SH2D3C: variants seen among roughly 807,000 people sequenced by gnomAD.
SH2D3C encodes SH2 domain-containing protein 3C.
In SH2D3C, 25 loss-of-function variants were observed where a neutral mutation model predicts 75.2. The ratio of observed to expected loss-of-function variants is 0.33; its 90% CI spans 0.24 to 0.46. The LOEUF is 0.46. Among genes scored for constraint, SH2D3C ranks in the 20% least tolerant of loss-of-function variants. The pLI, the probability that SH2D3C is intolerant of heterozygous loss-of-function variation, is 1.00. For synonymous variants in SH2D3C, 450 were observed against 473.7 expected (o/e 0.95, Z 0.65); for missense variants, 933 against 1,165.3 (o/e 0.80, Z 2.90).
chr9:127,760,553 C>A (rs1845501676), intron 3 of SH2D3C, among the ~76,000 whole-genome samples: 1 of 151,922 alleles, frequency 6.6e-6, no homozygotes, highest in Admixed American at 6.6e-5. Context: ...TGTAACAAAC[C>A]TGCACATTCT....
chr9:127,761,523 G>T (rs761789401), intron 3 of SH2D3C, 88 bp downstream of exon 3: 5 of 930,592 alleles, frequency 5.4e-6, no homozygotes, highest in South Asian at 2.9e-5. Context: ...TCCTAACAAG[G>T]CTTGAGGAAG....
chr9:127,768,503 TC>T (rs752319399), intron 2 of SH2D3C, among the ~76,000 whole-genome samples: 6 of 151,380 alleles, frequency 4.0e-5, no homozygotes, highest in Non-Finnish European at 8.8e-5. Context: ...AGCAATCAGA[TC>T]CTCCTAAAAG....
In SH2D3C at chr9:127,775,574, C is replaced by A. The variant is rs549768823; in HGVS notation, c.38-1107G>T. Among the ~76,000 whole-genome samples, 251 of 150,802 alleles carry A rather than the reference C, an allele frequency of 1.7e-3. 2 individuals carry two copies. The highest frequency in any genetic ancestry group is 5.9e-3 in the African/African-American group (241 of 41,040). On this transcript the variant is annotated intron_variant, in intron 1 of 11. Transcript: ENST00000314830. ...TCCTGGAGGTGGAGGTTGCAGTGAG[C>A]CGAGATTGCACCATTGCACTCCAGC...
At chr9:127,744,326 C>T (rs1844958279) in intron 7 of SH2D3C, among the ~76,000 whole-genome samples, 1 of 152,118 alleles carries the variant, frequency 6.6e-6, no homozygotes, top group African/African-American at 2.4e-5. Flanking sequence ...CCGCCTCGGC[C>T]TCCCAAAGTG....
chr9:127,741,924 A>T lies in SH2D3C; in HGVS notation c.1952T>A (p.Ile651Asn). 1 of 1,612,872 alleles carries T rather than the reference A, an allele frequency of 6.2e-7. No homozygotes were observed. Among genetic ancestry groups the T allele is most frequent in the Non-Finnish European group, 8.5e-7 (1 of 1,179,908 alleles). The change falls in exon 9 of 12, where the codon ATC becomes AAC. Residue 651 changes from isoleucine to asparagine, a missense_variant. Ile to Asn is a moderately radical substitution (Grantham distance 149). Coordinates refer to ENST00000314830, the MANE Select transcript of SH2D3C (RefSeq NM_170600.3). ...CTCCGCAGAGCCGGTGCAGCCCAGG[A>T]TGTCCACGGCCAGCATGATGGACAT... ...HTMSIMLAVD[I>N]LGCTGSAEER...
intron 8 of SH2D3C, chr9:127,742,646 C>A: frequency 1.9e-6 from 1 of 523,382 alleles, no homozygotes; most frequent in South Asian, 2.5e-5. Flanking sequence ...AAGGCGAATG[C>A]GGAGATACAG....
chr9:127,746,337 G>A (rs973921998), intron 6 of SH2D3C, among the ~76,000 whole-genome samples: 7 of 152,310 alleles, frequency 4.6e-5, no homozygotes, highest in Admixed American at 3.9e-4. Flanking sequence ...GGCCTGCCAC[G>A]TGGACAATAC....
At chr9:127,740,979 C>T (rs1367356748) in intron 9 of SH2D3C, among the ~76,000 whole-genome samples, 2 of 152,214 alleles carry the variant, frequency 1.3e-5, no homozygotes, top group South Asian at 4.1e-4. Context: ...CCGCGCCTGG[C>T]TGTTGTTATT....
In SH2D3C at chr9:127,773,821, G is replaced by C. The variant is rs956157122; in HGVS notation, c.515+169C>G. ...TAGTCCCAGCTACTCGGGGGGCTGAGGTAGGAGAATTGCTTGGACCCGGGA... is the reference window on the plus strand; with the variant it reads ...TAGTCCCAGCTACTCGGGGGGCTGACGTAGGAGAATTGCTTGGACCCGGGA... On this transcript the variant is annotated intron_variant, in intron 2 of 11. Coordinates refer to ENST00000314830, the MANE Select transcript of SH2D3C (RefSeq NM_170600.3). Among the ~76,000 whole-genome samples the C allele has an allele frequency of 2.0e-5, 3 of 151,946 alleles. No individual in the cohort carries two copies. In the South Asian group the frequency reaches 6.2e-4, roughly 31 times the overall value.
intron 1 of SH2D3C, among the ~76,000 whole-genome samples, chr9:127,777,656 C>T (rs1457721594): frequency 6.6e-6 from 1 of 152,092 alleles, no homozygotes; most frequent in Non-Finnish European, 1.5e-5. Flanking sequence ...CCTGCCCGGC[C>T]GCAAGGTCAG....
rs138786524 is a variant in SH2D3C at position 127,744,960 on chromosome 9, G to A, written c.1404C>T (p.His468=). 162 of 1,560,340 alleles carry A rather than the reference G, an allele frequency of 1.0e-4. 1 individual carries two copies. In the African/African-American group the frequency reaches 1.8e-3, roughly 17 times the overall value. Reference sequence around the variant, plus strand: ...TGCCAAGGGTGTGGGAGGGGCTGGTGTGGGGGCCCTTGTCTGACTCCCCAT... The same window carrying A: ...TGCCAAGGGTGTGGGAGGGGCTGGTATGGGGGCCCTTGTCTGACTCCCCAT... The part of the protein sequence containing the change: ...KTHGESDKGP[H]TSPSHTLGKA... The change falls in exon 7 of 12, where the codon CAC becomes CAT. Residue 468 remains histidine, a synonymous_variant. Transcript: ENST00000314830.
At chr9:127,767,071 A>G (rs1224658972) in intron 2 of SH2D3C, 1 of 1,536,112 alleles carries the variant, frequency 6.5e-7, no homozygotes, top group Non-Finnish European at 8.7e-7. Context: ...CCACTCCCCA[A>G]GATGGGCCAC....
chr9:127,771,394 A>C, intron 2 of SH2D3C: 4 of 1,298,636 alleles, frequency 3.1e-6, no homozygotes, highest in South Asian at 2.1e-5. Context: ...GCCCGGCCCC[A>C]CTCCACCGCC....
In SH2D3C at chr9:127,749,543, C is replaced by T. The variant is rs202053127; in HGVS notation, c.807G>A (p.Lys269=). 8 of 1,611,746 alleles carry T rather than the reference C, an allele frequency of 5.0e-6. No individual in the cohort carries two copies. The East Asian group carries it at 1.3e-4, about 27-fold the overall frequency. The change falls in exon 5 of 12, where the codon AAG becomes AAA. Residue 269 remains lysine, a synonymous_variant. Transcript: ENST00000314830. The surrounding 1 kb of genome is among the most constrained non-coding windows in gnomAD (Gnocchi z 5.9). Reference sequence around the variant, plus strand: ...AGCTCTCGCCTGCCTTCACCACCACCTTGTTGATCTTGAAGTGCAAGGCCT... The same window carrying T: ...AGCTCTCGCCTGCCTTCACCACCACTTTGTTGATCTTGAAGTGCAAGGCCT... ...RNQALHFKIN[K]VVVKAGESYT... is the part of the protein sequence containing the mutation.
chr9:127,750,007 G>A (rs899690457), intron 4 of SH2D3C, among the ~76,000 whole-genome samples: 5 of 152,004 alleles, frequency 3.3e-5, no homozygotes, highest in African/African-American at 7.3e-5. Context: ...TCAGGGTTCC[G>A]GTTGGGCAGA....
chr9:127,763,051 GC>G, intron 2 of SH2D3C, among the ~76,000 whole-genome samples: 1 of 152,258 alleles, frequency 6.6e-6, no homozygotes, highest in East Asian at 1.9e-4. Context: ...TTCTGCCTCT[GC>G]CCCACCCTCC....
chr9:127,775,120 T>C (rs534817526), intron 1 of SH2D3C, among the ~76,000 whole-genome samples: 2 of 152,058 alleles, frequency 1.3e-5, no homozygotes, highest in East Asian at 3.9e-4. Flanking sequence ...GAAAAGATTA[T>C]AAATAACATG....
At chr9:127,766,466 G>A (rs900304208) in intron 2 of SH2D3C, among the ~76,000 whole-genome samples, 2 of 152,208 alleles carry the variant, frequency 1.3e-5, no homozygotes, top group African/African-American at 4.8e-5. Context: ...GGCCCATGTG[G>A]GGCTCCTCTT....
intron 3 of SH2D3C, among the ~76,000 whole-genome samples, chr9:127,757,190 G>T (rs550002201): frequency 6.7e-6 from 1 of 149,352 alleles, no homozygotes; most frequent in Non-Finnish European, 1.5e-5. Context: ...TGATCTGCCC[G>T]CATTACACGC....
Sources: allele counts gnomAD v4.1 joint callset (sites outside exome capture counted in the v4.1 genomes callset), GRCh38; gene constraint gnomAD v4.1.1; non-coding constraint Gnocchi (gnomAD v3.1); transcripts MANE v1.5; gene names NCBI Gene and HGNC (gene_info 2026-07-23, HGNC 2026-07-21).